Variants in RBFOX1 observed in about 807,000 individuals in gnomAD.
RBFOX1 encodes the protein RNA binding fox-1 homolog 1, also known as RNA binding protein fox-1 homolog 1.
RBFOX1 carries 8 observed loss-of-function variants against 57.7 expected under a neutral mutation model. The ratio of observed to expected loss-of-function variants is 0.14; its 90% confidence interval spans 0.08 to 0.25. RBFOX1 has a LOEUF of 0.25. Ranked by LOEUF, RBFOX1 falls within the 10% of genes least tolerant of loss-of-function variation. RBFOX1 has a pLI of 1.00. For synonymous variants in RBFOX1, 326 were observed against 222.4 expected, an observed-to-expected ratio of 1.47 and a Z score of -4.15; for missense variants, 611 against 548.5, an observed-to-expected ratio of 1.11 and a Z score of -1.14.
At chr16:6,141,565 C>G (rs550507198) in intron 1 of RBFOX1, among the ~76,000 whole-genome samples, 26 of 152,150 alleles carry the variant, frequency 1.7e-4, no homozygotes, top group Non-Finnish European at 3.2e-4. Context: ...TTTGTGACTT[C>G]CTGTCTTTCC....
intron 4 of RBFOX1, among the ~76,000 whole-genome samples, chr16:7,366,506 G>T (rs1246120984): frequency 6.6e-6 from 1 of 152,180 alleles, no homozygotes; most frequent in African/African-American, 2.4e-5. Context: ...AGGCTGTTGA[G>T]GCACAGCCTG....
At chr16:6,463,400 G>A (rs181767503) in intron 2 of RBFOX1, among the ~76,000 whole-genome samples, 1 of 152,244 alleles carries the variant, frequency 6.6e-6, no homozygotes, top group East Asian at 1.9e-4. Flanking sequence ...ATATATTTTA[G>A]CCTTGGCAGG....
At chr16:6,241,826 A>T (rs1310753337) in intron 1 of RBFOX1, among the ~76,000 whole-genome samples, 1 of 152,208 alleles carries the variant, frequency 6.6e-6, no homozygotes, top group Non-Finnish European at 1.5e-5. Flanking sequence ...ATCATTCTCA[A>T]CAAAGTGCCC....
intron 2 of RBFOX1, among the ~76,000 whole-genome samples, chr16:6,478,888 T>A (rs2095326767): frequency 6.6e-6 from 1 of 152,054 alleles, no homozygotes; most frequent in African/African-American, 2.4e-5. Context: ...CAGTAACAGA[T>A]CTAGCAATAA....
At chr16:5,676,482 A>G (rs555802028) in intron 3 of RBFOX1, among the ~76,000 whole-genome samples, 3 of 152,154 alleles carry the variant, frequency 2.0e-5, no homozygotes, top group Non-Finnish European at 2.9e-5. Context: ...AAGTCACTCA[A>G]CCTCTCTGAG....
At chr16:6,213,058 T>C (rs961154192) in intron 1 of RBFOX1, among the ~76,000 whole-genome samples, 1 of 152,236 alleles carries the variant, frequency 6.6e-6, no homozygotes, top group African/African-American at 2.4e-5. Context: ...TTTTAAAAAG[T>C]TAAGTCACAT....
chr16:7,029,086 ACACAC>A (rs2041969467), intron 3 of RBFOX1, among the ~76,000 whole-genome samples: 1 of 8,506 alleles, frequency 1.2e-4, no homozygotes, highest in Non-Finnish European at 1.9e-4. Flanking sequence ...ATATATACAC[ACACAC>A]ACACACACAC....
At chr16:5,781,907 T>C (rs144706354) in intron 3 of RBFOX1, among the ~76,000 whole-genome samples, 46 of 152,288 alleles carry the variant, frequency 3.0e-4, no homozygotes, top group African/African-American at 1.1e-3. Flanking sequence ...CAGGGTAATT[T>C]ATAAAGAACA....
intron 1 of RBFOX1, among the ~76,000 whole-genome samples, chr16:6,067,727 G>A (rs1036973544): frequency 2.0e-5 from 3 of 152,142 alleles, no homozygotes; most frequent in Non-Finnish European, 4.4e-5. Context: ...AGGAAGAGCT[G>A]TTACTTGCTG....
chr16:6,927,482 A>G (rs965858276), intron 3 of RBFOX1, among the ~76,000 whole-genome samples: 5 of 148,340 alleles, frequency 3.4e-5, no homozygotes, highest in Admixed American at 1.3e-4. Flanking sequence ...ATTTTCAAAA[A>G]TGTTTCCTCT....
At chr16:7,518,753 T>G (rs1208309435) in intron 5 of RBFOX1, among the ~76,000 whole-genome samples, 4 of 152,194 alleles carry the variant, frequency 2.6e-5, no homozygotes, top group Non-Finnish European at 5.9e-5. Context: ...CTGGGTGTGG[T>G]GGCTCATGCC....
At chr16:6,253,423 A>G (rs1431325882) in intron 1 of RBFOX1, among the ~76,000 whole-genome samples, 4 of 152,264 alleles carry the variant, frequency 2.6e-5, no homozygotes, top group Admixed American at 1.3e-4. Context: ...GGTAGGCACC[A>G]TTATCCTGAT....
intron 6 of RBFOX1, among the ~76,000 whole-genome samples, chr16:7,584,735 C>T (rs1286481217): frequency 6.6e-6 from 1 of 152,224 alleles, no homozygotes; most frequent in Non-Finnish European, 1.5e-5. Flanking sequence ...AATGTGCCAG[C>T]TGTGTTTACA....
At chr16:7,442,139 A>G (rs1378472064) in intron 4 of RBFOX1, among the ~76,000 whole-genome samples, 1 of 152,050 alleles carries the variant, frequency 6.6e-6, no homozygotes, top group East Asian at 1.9e-4. Context: ...TGGGCTGAAC[A>G]TGATGCATGA....
chr16:7,457,049 G>A (rs1433443107), intron 4 of RBFOX1, among the ~76,000 whole-genome samples: 1 of 152,030 alleles, frequency 6.6e-6, no homozygotes, highest in African/African-American at 2.4e-5. Flanking sequence ...CACCACGCCC[G>A]GCTAATTTTG....
chr16:7,266,061 G>A (rs1473484477), intron 4 of RBFOX1, among the ~76,000 whole-genome samples: 2 of 135,764 alleles, frequency 1.5e-5, no homozygotes, highest in South Asian at 2.6e-4. Flanking sequence ...TGCAAGCTCC[G>A]CCTCCCAGGT....
intron 3 of RBFOX1, among the ~76,000 whole-genome samples, chr16:6,912,484 G>A (rs556717366): frequency 6.6e-6 from 1 of 152,334 alleles, no homozygotes; most frequent in African/African-American, 2.4e-5. Flanking sequence ...AGATAGATCA[G>A]ATTGAAGTAT....
rs1229137583 is a variant in RBFOX1 at position 7,630,600 on chromosome 16, T to C, written c.677-3T>C. 2 of 1,614,174 alleles carry C rather than the reference T, an allele frequency of 1.2e-6. No homozygotes were observed. The highest frequency in any genetic ancestry group is 2.2e-5 in the East Asian group (1 of 44,880). Reference sequence around the variant, plus strand: ...AGATACCATCTCTCTCTCTCTTTCGTAGGCACGGTCCTGTTGTGCCAGGCC... The same window carrying C: ...AGATACCATCTCTCTCTCTCTTTCGCAGGCACGGTCCTGTTGTGCCAGGCC... On this transcript the variant is annotated splice_polypyrimidine_tract_variant and splice_region_variant and intron_variant, in intron 10 of 15. Transcript: ENST00000550418.
chr16:6,148,456 G>T (rs1308692161), intron 1 of RBFOX1, among the ~76,000 whole-genome samples: 4 of 152,092 alleles, frequency 2.6e-5, no homozygotes, highest in Admixed American at 2.6e-4. Context: ...CCACCTCCTG[G>T]AACACTCATC....
Sources: allele counts gnomAD v4.1 joint callset (sites outside exome capture counted in the v4.1 genomes callset), GRCh38; gene constraint gnomAD v4.1.1; transcripts MANE v1.5; gene names NCBI Gene and HGNC (gene_info 2026-07-23, HGNC 2026-07-21).